CACNA1A: variants seen among roughly 807,000 people sequenced by gnomAD.
The protein encoded by CACNA1A is calcium voltage-gated channel subunit alpha1 A, also known as voltage-dependent P/Q-type calcium channel subunit alpha-1A.
A neutral mutation model predicts 262.4 loss-of-function variants in CACNA1A; 57 were observed. That is an observed-to-expected ratio of 0.22 (90% CI 0.18 to 0.27). CACNA1A has a LOEUF of 0.27. CACNA1A is among the 10% of genes least tolerant of loss of function. CACNA1A has a pLI of 1.00. For missense variants in CACNA1A, 2,526 were observed against 3,562.8 expected (o/e 0.71, Z 7.41); for synonymous variants, 1,431 against 1,419.3 (o/e 1.01, Z -0.18).
At chr19:13,487,445 G>A (rs1332217937) in intron 1 of CACNA1A, among the ~76,000 whole-genome samples, 1 of 152,026 alleles carries the variant, frequency 6.6e-6, no homozygotes, top group Non-Finnish European at 1.5e-5. Flanking sequence ...AATCAGAATA[G>A]GTCAATCTAT....
intron 18 of CACNA1A, 122 bp downstream of exon 18, chr19:13,300,428 A>G: frequency 1.4e-6 from 1 of 703,634 alleles, no homozygotes; most frequent in South Asian, 1.7e-5. Context: ...GAAGGACAAG[A>G]AGTGTCTCTT....
At chr19:13,424,694 C>G (rs1256049521) in intron 3 of CACNA1A, among the ~76,000 whole-genome samples, 13 of 152,138 alleles carry the variant, frequency 8.5e-5, no homozygotes, top group Admixed American at 8.5e-4. Flanking sequence ...AGGCTGGTCT[C>G]TAACTCATGG....
At position 13,207,265 on chromosome 19, in the gene CACNA1A, TGTGCGTGGG is replaced by T. The variant is rs758382329; in HGVS notation, c.*39_*47del. 160 of 1,487,674 alleles carry T rather than the reference TGTGCGTGGG, an allele frequency of 1.1e-4. No homozygotes were observed. The highest frequency in any genetic ancestry group is 5.0e-4 in the African/African-American group (34 of 68,338). The allele number at this position is 1,487,674 out of a possible 1,614,324, so 92.2% of individuals were successfully genotyped here. ...TCTGCGCGGCTCCTCGGGTGGGGTG[TGTGCGTGGG>T]GTGCGTGGGGGGCCGGGCGGGCGCC... On this transcript the variant is annotated 3_prime_UTR_variant, in exon 47 of 47. Transcript: ENST00000360228. The surrounding 1 kb of genome is among the most constrained non-coding windows in gnomAD (Gnocchi z 5.7).
chr19:13,370,342 C>T (rs1413925595), intron 4 of CACNA1A, among the ~76,000 whole-genome samples: 2 of 152,084 alleles, frequency 1.3e-5, no homozygotes, highest in Non-Finnish European at 2.9e-5. Context: ...CTCAGGTGAT[C>T]CACCCATCCA....
rs906201883 is a variant in CACNA1A at position 13,207,400 on chromosome 19, C to T, written c.7434G>A (p.Pro2478=). ...HGRRLPNGYY[P]AHGLARPRGP... ...CGCGGGGCCTGGCCAGTCCGTGCGC[C>T]GGGTAGTAGCCGTTGGGGAGTCGCC... Residue 2478 remains proline, a synonymous_variant, in exon 47 of 47, where the codon CCG becomes CCA. Transcript: ENST00000360228. The surrounding 1 kb of genome is among the most constrained non-coding windows in gnomAD (Gnocchi z 5.7). 27 of 1,536,960 alleles carry T rather than the reference C, an allele frequency of 1.8e-5. No homozygotes were observed. The highest frequency in any genetic ancestry group is 2.5e-5 in the East Asian group (1 of 40,658).
chr19:13,349,984 G>C (rs1411903724), intron 6 of CACNA1A, among the ~76,000 whole-genome samples: 1 of 152,146 alleles, frequency 6.6e-6, no homozygotes, highest in East Asian at 1.9e-4. Flanking sequence ...ATACCTTGGA[G>C]CTTCCAGGTC....
chr19:13,377,687 G>T (rs1388294897), intron 3 of CACNA1A, among the ~76,000 whole-genome samples: 1 of 152,062 alleles, frequency 6.6e-6, no homozygotes, highest in Admixed American at 6.6e-5. Context: ...GTAGCCCATG[G>T]ATCAAGAAGT....
At chr19:13,413,103 T>G (rs560985620) in intron 3 of CACNA1A, among the ~76,000 whole-genome samples, 56 of 119,564 alleles carry the variant, frequency 4.7e-4, no homozygotes, top group African/African-American at 2.9e-3. Flanking sequence ...GTTTTTTGTT[T>G]TTTTTTTTTG....
chr19:13,246,929 CTTTTG>C (rs2056251755), intron 30 of CACNA1A, among the ~76,000 whole-genome samples: 1 of 152,116 alleles, frequency 6.6e-6, no homozygotes, highest in African/African-American at 2.4e-5. Context: ...CCTGGCCTCT[CTTTTG>C]TTAAAATATG....
At chr19:13,386,772 G>A (rs989045101) in intron 3 of CACNA1A, among the ~76,000 whole-genome samples, 2 of 151,982 alleles carry the variant, frequency 1.3e-5, no homozygotes, top group African/African-American at 4.8e-5. Context: ...CAGCCTGGGC[G>A]ACAGAGCGGG....
chr19:13,232,460 G>A (rs997564975), intron 34 of CACNA1A, among the ~76,000 whole-genome samples: 21 of 151,968 alleles, frequency 1.4e-4, no homozygotes, highest in African/African-American at 3.6e-4. Context: ...GGCTGGGCGC[G>A]GTGGCTCACA....
chr19:13,302,742 G>A (rs902447452), intron 17 of CACNA1A, among the ~76,000 whole-genome samples: 4 of 152,220 alleles, frequency 2.6e-5, no homozygotes, highest in Admixed American at 6.5e-5. Context: ...GCTTGTGGCC[G>A]TGTGCTTGGG....
At chr19:13,395,857 G>A (rs1385816531) in intron 3 of CACNA1A, among the ~76,000 whole-genome samples, 1 of 152,118 alleles carries the variant, frequency 6.6e-6, no homozygotes, top group Non-Finnish European at 1.5e-5. Context: ...AGAGGGTCTT[G>A]TCCCATACCC....
intron 24 of CACNA1A, among the ~76,000 whole-genome samples, chr19:13,270,117 T>C (rs11666986): frequency 0.64 from 96,669 of 151,756 alleles, 30,885 homozygotes; most frequent in Admixed American, 0.67. Flanking sequence ...GGGAGATGGG[T>C]AGCATCTGAC....
In CACNA1A at chr19:13,384,756, T is replaced by C. The variant is rs548926810; in HGVS notation, c.540-12977A>G. On this transcript the variant is annotated intron_variant, in intron 3 of 46. Coordinates refer to ENST00000360228, the MANE Select transcript of CACNA1A (RefSeq NM_001127222.2). ...CAAAAACACACAGAAATAAAGTATT[T>C]TGAGAAAGGAGAGGTCACTGGTCTC... 5.3e-5 allele frequency among the ~76,000 whole-genome samples: 8 copies of C among 152,166 alleles called. No homozygotes were observed. In the South Asian group the frequency reaches 6.2e-4, roughly 12 times the overall value.
At position 13,240,762 on chromosome 19, in the gene CACNA1A, CTG is replaced by C. The variant is rs546405413; in HGVS notation, c.4950+4418_4950+4419del. Among the ~76,000 whole-genome samples, 28 of 130,080 alleles carry C rather than the reference CTG, an allele frequency of 2.2e-4. No individual in the cohort carries two copies. In the South Asian group the frequency reaches 5.5e-3, roughly 25 times the overall value. 85.3% of individuals were successfully genotyped at this position (130,080 alleles called of 152,430 possible). A position where few individuals can be genotyped will look rare whatever the true frequency, so the allele number is the denominator to read the frequency against. On this transcript the variant is annotated intron_variant, in intron 31 of 46. Coordinates refer to ENST00000360228, the MANE Select transcript of CACNA1A (RefSeq NM_001127222.2). ...TGCGTGCAGCGTCTGTGTGCAGTGA[CTG>C]TGTGCACAGTGTGTGCGCAGTGACT...
chr19:13,207,323 T>A lies in CACNA1A; in HGVS notation c.7511A>T (p.Asp2504Val). 1 of 1,559,788 alleles carries A rather than the reference T, an allele frequency of 6.4e-7. No individual in the cohort carries two copies. Among genetic ancestry groups the A allele is most frequent in the Non-Finnish European group, 8.6e-7 (1 of 1,160,288 alleles). Residue 2504 changes from aspartate to valine, a missense_variant, in exon 47 of 47, where the codon GAT (aspartate) becomes GTT (valine). By Grantham distance (152) the Asp-to-Val change is radical (BLOSUM62 -3). Transcript: ENST00000360228. The surrounding 1 kb of genome is among the most constrained non-coding windows in gnomAD (Gnocchi z 5.7). Reference sequence around the variant, plus strand: ...CCACCTCGCCCGGGCTTAGCACCAATCATCGTCACTCTCGCTGTAGGGTTC... The same window carrying A: ...CCACCTCGCCCGGGCTTAGCACCAAACATCGTCACTCTCGCTGTAGGGTTC... ...LHEPYSESDDDWC is the reference protein window; with the variant it reads ...LHEPYSESDDVWC
At chr19:13,365,211 G>T in intron 5 of CACNA1A, 106 bp downstream of exon 5, 1 of 957,476 alleles carries the variant, frequency 1.0e-6, no homozygotes, top group East Asian at 2.4e-5. Flanking sequence ...GAAGGAGACG[G>T]TCCTCCCAGC....
intron 19 of CACNA1A, among the ~76,000 whole-genome samples, chr19:13,293,735 C>A (rs1199230714): frequency 6.6e-6 from 1 of 151,372 alleles, no homozygotes. Context: ...GGATTACAGG[C>A]ATGAGCCACC....
Sources: gnomAD v4.1 joint callset for allele counts (sites outside exome capture counted in the v4.1 genomes callset) on GRCh38, gnomAD v4.1.1 for gene constraint, Gnocchi (gnomAD v3.1) non-coding constraint, MANE v1.5 for transcripts, NCBI Gene and HGNC (gene_info 2026-07-23, HGNC 2026-07-21) for gene names.